Variants in SUPT3H observed in about 807,000 individuals in gnomAD.
SUPT3H encodes transcription initiation protein SPT3 homolog.
In SUPT3H, 44 loss-of-function variants were observed where a neutral mutation model predicts 44.3. The observed-to-expected ratio is 0.99, with a 90% CI of 0.78 to 1.28. SUPT3H has a LOEUF of 1.28. Ranked by LOEUF, SUPT3H falls within the 50% of genes most tolerant of loss-of-function variation. SUPT3H has a pLI of 0.00. For synonymous variants in SUPT3H, 124 were observed against 125.6 expected, an observed-to-expected ratio of 0.99 and a Z score of 0.09; for missense variants, 380 against 387.1, an observed-to-expected ratio of 0.98 and a Z score of 0.15.
chr6:45,054,249 G>A (rs1287559040), intron 3 of SUPT3H, among the ~76,000 whole-genome samples: 1 of 152,044 alleles, frequency 6.6e-6, no homozygotes, highest in Non-Finnish European at 1.5e-5. Flanking sequence ...CTCCCCTGAA[G>A]CAGGCCACAA....
At chr6:45,372,421 T>C (rs1175912786) in intron 1 of SUPT3H, among the ~76,000 whole-genome samples, 3 of 152,214 alleles carry the variant, frequency 2.0e-5, no homozygotes, top group Non-Finnish European at 2.9e-5. Context: ...TCTCAAAGAA[T>C]GTTATGACTA....
chr6:45,270,435 C>T (rs991996369), intron 2 of SUPT3H, among the ~76,000 whole-genome samples: 5 of 152,152 alleles, frequency 3.3e-5, no homozygotes, highest in African/African-American at 4.8e-5. Flanking sequence ...GCTGTTCTCG[C>T]GGTAGTACAT....
At chr6:44,840,197 T>A (rs1441105090) in intron 10 of SUPT3H, among the ~76,000 whole-genome samples, 1 of 152,242 alleles carries the variant, frequency 6.6e-6, no homozygotes, top group Non-Finnish European at 1.5e-5. Flanking sequence ...TCAAATGAAA[T>A]GTAAACAGGC....
chr6:45,367,262 G>A (rs887527170), intron 1 of SUPT3H, among the ~76,000 whole-genome samples: 1 of 152,040 alleles, frequency 6.6e-6, no homozygotes, highest in Admixed American at 6.6e-5. Context: ...CACAAAAAGC[G>A]AAGGAAAACA....
intron 10 of SUPT3H, among the ~76,000 whole-genome samples, chr6:44,832,284 G>A (rs954173888): frequency 6.6e-6 from 1 of 152,084 alleles, no homozygotes; most frequent in African/African-American, 2.4e-5. Flanking sequence ...AACATTGCTT[G>A]GTGTGAGGGC....
intron 10 of SUPT3H, among the ~76,000 whole-genome samples, chr6:44,882,621 A>G (rs937394720): frequency 2.6e-5 from 4 of 152,230 alleles, no homozygotes; most frequent in Non-Finnish European, 2.9e-5. Context: ...ATGAACATCA[A>G]TGCAAAAATC....
At chr6:45,237,413 C>T (rs1298818840) in intron 2 of SUPT3H, among the ~76,000 whole-genome samples, 3 of 152,128 alleles carry the variant, frequency 2.0e-5, no homozygotes, top group Non-Finnish European at 4.4e-5. Context: ...ACTTCTGTAC[C>T]TATAAATTTA....
At chr6:45,269,681 G>A (rs902435230) in intron 2 of SUPT3H, among the ~76,000 whole-genome samples, 2 of 152,080 alleles carry the variant, frequency 1.3e-5, no homozygotes, top group South Asian at 2.1e-4. Context: ...CACTTACCAC[G>A]TTATCAATTT....
At chr6:45,123,011 G>A (rs1198324971) in intron 2 of SUPT3H, among the ~76,000 whole-genome samples, 1 of 152,144 alleles carries the variant, frequency 6.6e-6, no homozygotes, top group Non-Finnish European at 1.5e-5. Flanking sequence ...AGGTCCAAAA[G>A]CTGACACTTA....
In SUPT3H at chr6:45,014,804, C is replaced by T. The variant is rs773757921; in HGVS notation, c.361G>A (p.Glu121Lys). 24 of 1,581,210 alleles carry T rather than the reference C, an allele frequency of 1.5e-5. No homozygotes were observed. The highest frequency in any genetic ancestry group is 1.7e-4 in the Middle Eastern group (1 of 5,942). Residue 121 changes from glutamate to lysine, a missense_variant, in exon 5 of 11, where the codon GAA (glutamate) becomes AAA (lysine). Glu to Lys is a moderately conservative substitution (Grantham distance 56, BLOSUM62 1). Coordinates refer to ENST00000371459, the MANE Select transcript of SUPT3H (RefSeq NM_003599.4). ...VKGIDEDDLL[E>K]DKLSGSNNAN... The stretch of plus-strand genomic sequence containing the variant: ...TTTTGTGTTTTGTTTTGGTTACCTT[C>T]GAGAAGATCATCCTCATCGATGCCT...
chr6:44,903,570 A>C (rs1316538395), intron 10 of SUPT3H, among the ~76,000 whole-genome samples: 1 of 152,206 alleles, frequency 6.6e-6, no homozygotes, highest in Non-Finnish European at 1.5e-5. Flanking sequence ...GTCCAGGACC[A>C]GATGGATTCA....
intron 10 of SUPT3H, among the ~76,000 whole-genome samples, chr6:44,916,972 A>AAAAC (rs111992171): frequency 0.02 from 3,032 of 150,946 alleles, 106 homozygotes; most frequent in African/African-American, 0.063. Context: ...GTCTCTACAA[A>AAAAC]AAACAAACAA....
At chr6:44,846,689 T>G (rs1771926425) in intron 10 of SUPT3H, among the ~76,000 whole-genome samples, 1 of 151,992 alleles carries the variant, frequency 6.6e-6, no homozygotes, top group Non-Finnish European at 1.5e-5. Flanking sequence ...TGGAGTGCAG[T>G]GGCGCAATAC....
chr6:45,226,225 A>G (rs1204623815), intron 2 of SUPT3H, among the ~76,000 whole-genome samples: 1 of 152,184 alleles, frequency 6.6e-6, no homozygotes, highest in African/African-American at 2.4e-5. Flanking sequence ...TTATTTCAGA[A>G]AAGTATTCCT....
intron 9 of SUPT3H, among the ~76,000 whole-genome samples, chr6:44,932,965 T>C (rs974414393): frequency 6.6e-6 from 1 of 152,144 alleles, no homozygotes; most frequent in Non-Finnish European, 1.5e-5. Context: ...CTAGCAGACC[T>C]ACCAAACGCA....
chr6:45,277,377 A>G (rs1311165573), intron 2 of SUPT3H, among the ~76,000 whole-genome samples: 1 of 152,208 alleles, frequency 6.6e-6, no homozygotes, highest in Non-Finnish European at 1.5e-5. Flanking sequence ...TCCTCAGGCT[A>G]CAATAAACGT....
At chr6:45,222,786 G>A (rs1349643235) in intron 2 of SUPT3H, among the ~76,000 whole-genome samples, 1 of 152,058 alleles carries the variant, frequency 6.6e-6, no homozygotes, top group Non-Finnish European at 1.5e-5. Flanking sequence ...CAAAACTGGA[G>A]ACAACTCAGA....
intron 3 of SUPT3H, among the ~76,000 whole-genome samples, chr6:45,054,370 T>C (rs1181905577): frequency 6.6e-6 from 1 of 152,204 alleles, no homozygotes; most frequent in East Asian, 1.9e-4. Flanking sequence ...AAAAAGGTCT[T>C]GCTGAAATCT....
At chr6:45,306,392 T>TGA (rs1285024381) in intron 2 of SUPT3H, among the ~76,000 whole-genome samples, 32 of 152,316 alleles carry the variant, frequency 2.1e-4, no homozygotes, top group Admixed American at 2.1e-3. Flanking sequence ...TATTGGCCAC[T>TGA]GAGCATCCCT....
Sources: allele counts gnomAD v4.1 joint callset (sites outside exome capture counted in the v4.1 genomes callset), GRCh38; gene constraint gnomAD v4.1.1; transcripts MANE v1.5; gene names NCBI Gene and HGNC (gene_info 2026-07-23, HGNC 2026-07-21).